RUNDC3B: variants seen among roughly 807,000 people sequenced by gnomAD.
RUNDC3B encodes the protein RUN domain-containing protein 3B.
A neutral mutation model predicts 58.4 loss-of-function variants in RUNDC3B; 33 were observed. The ratio of observed to expected loss-of-function variants is 0.56; its 90% CI spans 0.43 to 0.75. The LOEUF (loss-of-function observed/expected upper bound fraction) is 0.75. RUNDC3B is among the 30% of genes least tolerant of loss of function. The pLI, the probability that RUNDC3B is intolerant of heterozygous loss-of-function variation, is 0.00. For missense variants in RUNDC3B, 501 were observed against 535.7 expected, an observed-to-expected ratio of 0.94 and a Z score of 0.64; for synonymous variants, 193 against 195.2, an observed-to-expected ratio of 0.99 and a Z score of 0.10.
At chr7:87,819,449 C>A (rs1192016207) in intron 10 of RUNDC3B, among the ~76,000 whole-genome samples, 2 of 152,072 alleles carry the variant, frequency 1.3e-5, no homozygotes, top group Admixed American at 6.6e-5. Context: ...GAGACTTTAA[C>A]ACCCCACTAT....
At position 87,777,839 on chromosome 7, in the gene RUNDC3B, A is replaced by G. The variant is rs1383574187; in HGVS notation, c.840A>G (p.Leu280=). Residue 280 remains leucine (L), a synonymous_variant, in exon 8 of 11, where the codon CTA becomes CTG. Coordinates refer to ENST00000394654, the MANE Select transcript of RUNDC3B (RefSeq NM_001134405.2). ...TCTTACGACTTCGAGAGAACCAACTATCTGAATCTGTCTCCCAGAATAAAA... is the reference window on the plus strand; with the variant it reads ...TCTTACGACTTCGAGAGAACCAACTGTCTGAATCTGTCTCCCAGAATAAAA... ...EELLRLRENQ[L]SESVSQNKIL... is the part of the protein sequence containing the mutation. 24 of 1,613,748 alleles carry G rather than the reference A, an allele frequency of 1.5e-5. No homozygotes were observed. Among genetic ancestry groups the G allele is most frequent in the Non-Finnish European group, 2.0e-5 (24 of 1,179,766 alleles).
At chr7:87,719,688 T>G (rs900650485) in intron 4 of RUNDC3B, among the ~76,000 whole-genome samples, 12 of 151,754 alleles carry the variant, frequency 7.9e-5, no homozygotes, top group African/African-American at 2.7e-4. Context: ...AAACTTTAGT[T>G]TATGATAAAG....
In RUNDC3B at chr7:87,710,573, A is replaced by G. The variant is rs1829987115; in HGVS notation, c.376A>G (p.Arg126Gly). 2 of 1,559,916 alleles carry G rather than the reference A, an allele frequency of 1.3e-6. No individual in the cohort carries two copies. Among genetic ancestry groups the G allele is most frequent in the Admixed American group, 1.8e-5 (1 of 54,822 alleles). Residue 126 changes from arginine (R) to glycine (G), a missense_variant, in exon 4 of 11, where the codon AGA (arginine) becomes GGA (glycine). Arg to Gly is a moderately radical substitution (Grantham distance 125, BLOSUM62 -2). Coordinates refer to ENST00000394654, the MANE Select transcript of RUNDC3B (RefSeq NM_001134405.2). ...GATTCTTTCTTCTTCCTTTTAGGGT[A>G]GAGCCTGGATCAGAGTAGCACTCAT... The part of the protein sequence containing the change: ...ENVSSSRAKG[R>G]AWIRVALMEK...
In RUNDC3B at chr7:87,723,561, A is replaced by G. The variant is rs762891416; in HGVS notation, c.458+12906A>G. Reference sequence around the variant, plus strand: ...ATTAGGCTAATGTCACAGGTTGACAAAGATAATACATATGCTGTATAAATA... The same window carrying G: ...ATTAGGCTAATGTCACAGGTTGACAGAGATAATACATATGCTGTATAAATA... On this transcript the variant is annotated intron_variant, in intron 4 of 10. Transcript: ENST00000394654. 2.1e-4 allele frequency among the ~76,000 whole-genome samples: 32 copies of G among 152,346 alleles called. 1 individual carries two copies. Among genetic ancestry groups the G allele is most frequent in the South Asian group, 1.9e-3 (9 of 4,830 alleles).
At chr7:87,703,359 C>T (rs958997303) in intron 3 of RUNDC3B, among the ~76,000 whole-genome samples, 22 of 151,878 alleles carry the variant, frequency 1.4e-4, no homozygotes, top group Non-Finnish European at 2.2e-4. Context: ...AAACCAAAAT[C>T]TATAATGTTT....
intron 10 of RUNDC3B, among the ~76,000 whole-genome samples, chr7:87,825,801 T>A (rs1396255284): frequency 6.6e-6 from 1 of 152,108 alleles, no homozygotes; most frequent in Non-Finnish European, 1.5e-5. Flanking sequence ...TCAAAGGAGA[T>A]CATTTTGGAA....
At chr7:87,821,911 C>A (rs1417958209) in intron 10 of RUNDC3B, among the ~76,000 whole-genome samples, 5 of 152,082 alleles carry the variant, frequency 3.3e-5, no homozygotes, top group African/African-American at 1.2e-4. Context: ...TAAAGACTTA[C>A]ATGTTAGACC....
intron 2 of RUNDC3B, among the ~76,000 whole-genome samples, chr7:87,661,111 C>A (rs1279970264): frequency 6.6e-6 from 1 of 151,560 alleles, no homozygotes; most frequent in Non-Finnish European, 1.5e-5. Flanking sequence ...TGATAGATTA[C>A]ATTTTTAAAA....
chr7:87,801,490 G>T (rs1161815596), intron 8 of RUNDC3B, among the ~76,000 whole-genome samples: 1 of 152,098 alleles, frequency 6.6e-6, no homozygotes, highest in Non-Finnish European at 1.5e-5. Context: ...GGGCGTGGTG[G>T]CTCACAACTG....
intron 2 of RUNDC3B, among the ~76,000 whole-genome samples, chr7:87,670,297 G>A (rs1237550222): frequency 2.0e-5 from 3 of 152,130 alleles, no homozygotes; most frequent in African/African-American, 7.2e-5. Flanking sequence ...TGAAATTATT[G>A]TATTGTGTTA....
At chr7:87,788,884 A>G (rs544598409) in intron 8 of RUNDC3B, among the ~76,000 whole-genome samples, 6 of 152,168 alleles carry the variant, frequency 3.9e-5, no homozygotes, top group Non-Finnish European at 8.8e-5. Flanking sequence ...TTCAGTAAAC[A>G]TATATTTAAA....
intron 2 of RUNDC3B, among the ~76,000 whole-genome samples, chr7:87,683,694 C>G (rs1338716341): frequency 1.3e-5 from 2 of 152,056 alleles, no homozygotes; most frequent in Admixed American, 1.3e-4. Flanking sequence ...TCACAGTTCA[C>G]CATAACAGAT....
At chr7:87,736,502 T>C (rs1205695745) in intron 4 of RUNDC3B, among the ~76,000 whole-genome samples, 1 of 151,918 alleles carries the variant, frequency 6.6e-6, no homozygotes, top group Non-Finnish European at 1.5e-5. Flanking sequence ...TTAAATACTT[T>C]TCTAGTCACT....
At chr7:87,695,500 T>A (rs1242171656) in intron 2 of RUNDC3B, among the ~76,000 whole-genome samples, 1 of 152,066 alleles carries the variant, frequency 6.6e-6, no homozygotes. Flanking sequence ...ATCAGAGTGG[T>A]TTATTAAAAT....
At chr7:87,762,770 T>C (rs1271735725) in intron 6 of RUNDC3B, among the ~76,000 whole-genome samples, 1 of 151,472 alleles carries the variant, frequency 6.6e-6, no homozygotes, top group African/African-American at 2.4e-5. Flanking sequence ...TCCAGATATG[T>C]CAATATATTA....
intron 2 of RUNDC3B, among the ~76,000 whole-genome samples, chr7:87,655,886 G>C (rs1302530682): frequency 6.6e-6 from 1 of 152,050 alleles, no homozygotes; most frequent in Non-Finnish European, 1.5e-5. Flanking sequence ...CTCTATAAAA[G>C]GGCTTGACAG....
chr7:87,801,996 T>C (rs766071781), intron 8 of RUNDC3B, among the ~76,000 whole-genome samples: 1 of 152,188 alleles, frequency 6.6e-6, no homozygotes, highest in African/African-American at 2.4e-5. Flanking sequence ...TGAAACGATA[T>C]AAAGCGTCCA....
Position 87,751,653 on chromosome 7 carries a change from G to C in RUNDC3B, c.629+10074G>C, listed in dbSNP as rs36199985. On this transcript the variant is annotated intron_variant, in intron 6 of 10. Coordinates refer to ENST00000394654, the MANE Select transcript of RUNDC3B (RefSeq NM_001134405.2). The stretch of plus-strand genomic sequence containing the variant: ...TTCTCTTTGAAGCAATTGTGAATGG[G>C]AGTTCACTCATGATTTGGCTCTCTG... Among the ~76,000 whole-genome samples the C allele has an allele frequency of 5.0e-3, 753 of 152,108 alleles. 7 individuals carry two copies. The highest frequency in any genetic ancestry group is 0.017 in the African/African-American group (721 of 41,482).
intron 8 of RUNDC3B, among the ~76,000 whole-genome samples, chr7:87,801,856 T>C (rs189157140): frequency 6.6e-6 from 1 of 152,332 alleles, no homozygotes; most frequent in African/African-American, 2.4e-5. Flanking sequence ...GTGATAAATC[T>C]TCACAAATTG....
Sources: allele counts gnomAD v4.1 joint callset (sites outside exome capture counted in the v4.1 genomes callset), GRCh38; gene constraint gnomAD v4.1.1; transcripts MANE v1.5; gene names NCBI Gene and HGNC (gene_info 2026-07-23, HGNC 2026-07-21).